Variants in FZD10 observed in about 807,000 individuals in gnomAD.
FZD10 encodes the protein frizzled class receptor 10.
A neutral mutation model predicts 24.4 loss-of-function variants in FZD10; 14 were observed. That is an observed-to-expected ratio of 0.57 (90% CI 0.38 to 0.90). FZD10 has a LOEUF of 0.90. Ranked by LOEUF, FZD10 falls within the 40% of genes least tolerant of loss-of-function variation. FZD10 has a pLI of 0.00. For synonymous variants in FZD10, 381 were observed against 349.1 expected, an observed-to-expected ratio of 1.09 and a Z score of -1.02; for missense variants, 775 against 816.6, an observed-to-expected ratio of 0.95 and a Z score of 0.62.
rs1406763732 is a variant in FZD10, at chr12:130,163,036, G to T, written c.94G>T (p.Gly32Cys). 3 of 1,612,118 alleles carry T rather than the reference G, an allele frequency of 1.9e-6. No individual in the cohort carries two copies. The highest frequency in any genetic ancestry group is 2.7e-5 in the African/African-American group (2 of 75,032). Residue 32 changes from glycine to cysteine, a missense_variant, in exon 1 of 1, where the codon GGC (glycine) becomes TGC (cysteine). By Grantham distance (159) the Gly-to-Cys change is radical. Coordinates refer to ENST00000229030, the MANE Select transcript of FZD10 (RefSeq NM_007197.4). ...SSMDMERPGD[G>C]KCQPIEIPMC... ...CATGGACATGGAGCGCCCGGGCGAC[G>T]GCAAATGCCAGCCCATCGAGATCCC...
rs774320509 is a variant in FZD10 at position 130,164,200 on chromosome 12, C to A, written c.1258C>A (p.Leu420Met). The A allele has an allele frequency of 5.6e-6, 9 of 1,614,154 alleles. No individual in the cohort carries two copies. Among genetic ancestry groups the A allele is most frequent in the Non-Finnish European group, 7.6e-6 (9 of 1,180,036 alleles). Residue 420 changes from leucine (L) to methionine (M), a missense_variant, in exon 1 of 1, where the codon CTG becomes ATG. Transcript: ENST00000229030. The surrounding 1 kb of genome is among the most constrained non-coding windows in gnomAD (Gnocchi z 5.3). ...TSFILSGFVA[L>M]FHIRRVMKTG... Reference sequence around the variant, plus strand: ...CTTCATCCTCTCGGGCTTCGTGGCCCTGTTCCACATCCGGAGGGTGATGAA... The same window carrying A: ...CTTCATCCTCTCGGGCTTCGTGGCCATGTTCCACATCCGGAGGGTGATGAA...
Position 130,165,559 on chromosome 12 carries a change from TAAAC to T in FZD10, c.*875_*878del, listed in dbSNP as rs1593020372. On this transcript the variant is annotated 3_prime_UTR_variant, in exon 1 of 1. Coordinates refer to ENST00000229030, the MANE Select transcript of FZD10 (RefSeq NM_007197.4). ...AGGGCTTATTGACTCTTTCTATTGT[TAAAC>T]AAATGATTTCCACAAACAGATCAGG... 6.0e-6 allele frequency: 1 copy of T among 167,160 alleles called. No homozygotes were observed. The allele number at this position is 167,160 out of a possible 1,614,324, so 10.4% of individuals were successfully genotyped here. A position where few individuals can be genotyped will look rare whatever the true frequency, so the allele number is the denominator to read the frequency against.
rs1871757507 is a variant in FZD10, at chr12:130,164,167, G to A, written c.1225G>A (p.Gly409Ser). 1.9e-6 allele frequency: 3 copies of A among 1,613,914 alleles called. No homozygotes were observed. Among genetic ancestry groups the A allele is most frequent in the South Asian group, 1.1e-5 (1 of 91,082 alleles). The change falls in exon 1 of 1, where the codon GGC (glycine) becomes AGC (serine). Residue 409 changes from glycine to serine, a missense_variant. Transcript: ENST00000229030. The surrounding 1 kb of genome is among the most constrained non-coding windows in gnomAD (Gnocchi z 5.3). The stretch of plus-strand genomic sequence containing the variant: ...TCCCCTGGCCTGCTACCTGGTCATC[G>A]GCACGTCCTTCATCCTCTCGGGCTT... ...LIPLACYLVI[G>S]TSFILSGFVA...
rs772852953 is a variant in FZD10 at position 130,163,945 on chromosome 12, T to A, written c.1003T>A (p.Phe335Ile). The change falls in exon 1 of 1, where the codon TTC becomes ATC. Residue 335 changes from phenylalanine to isoleucine, a missense_variant. By Grantham distance (21) the Phe-to-Ile change is conservative. Coordinates refer to ENST00000229030, the MANE Select transcript of FZD10 (RefSeq NM_007197.4). Reference protein sequence around the residue: ...LWWVVLTLTWFLAAGKKWGHE... With the variant: ...LWWVVLTLTWILAAGKKWGHE... ...GTGGGTGGTCCTCACGCTCACCTGG[T>A]TCCTGGCCGCCGGCAAGAAGTGGGG... The A allele has an allele frequency of 2.5e-5, 41 of 1,613,630 alleles. No homozygotes were observed. The highest frequency in any genetic ancestry group is 3.5e-5 in the Non-Finnish European group (41 of 1,180,040).
Position 130,164,394 on chromosome 12 carries a change from C to T in FZD10, c.1452C>T (p.Asn484=), listed in dbSNP as rs750330173. Residue 484 remains asparagine, a synonymous_variant, in exon 1 of 1, where the codon AAC becomes AAT. Coordinates refer to ENST00000229030, the MANE Select transcript of FZD10 (RefSeq NM_007197.4). This position sits in a 1 kb window ranked among gnomAD's most constrained non-coding sequence, Gnocchi z 5.3. ...ILAAQHKCKM[N]NQTKTLDCLM... ...CGGCGCAGCACAAGTGCAAAATGAA[C>T]AACCAGACTAAAACGCTGGACTGCC... 3.1e-6 allele frequency: 5 copies of T among 1,614,060 alleles called. No homozygotes were observed. Among genetic ancestry groups the T allele is most frequent in the Non-Finnish European group, 4.2e-6 (5 of 1,180,030 alleles).
Position 130,162,536 on chromosome 12 carries a change from G to C in FZD10, c.-407G>C, listed in dbSNP as rs1250393294. 2 of 153,254 alleles carry C rather than the reference G, an allele frequency of 1.3e-5. No homozygotes were observed. Among genetic ancestry groups the C allele is most frequent in the African/African-American group, 4.8e-5 (2 of 41,416 alleles). The allele number at this position is 153,254 out of a possible 1,614,324, so 9.5% of individuals were successfully genotyped here. On this transcript the variant is annotated 5_prime_UTR_variant, in exon 1 of 1. Transcript: ENST00000229030. ...GGCCGAGGCCGGCGCAGGGAGGGAG[G>C]AGCCGCCCGGGCTGTGGGGGCGCCG... is the stretch of plus-strand genomic sequence containing the variant.
Position 130,165,542 on chromosome 12 carries a change from T to C in FZD10, c.*854T>C, listed in dbSNP as rs936599036. ...ATTCAAAAGTTACCCAAAGGGCTTATTGACTCTTTCTATTGTTAAACAAAT... is the reference window on the plus strand; with the variant it reads ...ATTCAAAAGTTACCCAAAGGGCTTACTGACTCTTTCTATTGTTAAACAAAT... On this transcript the variant is annotated 3_prime_UTR_variant, in exon 1 of 1. Coordinates refer to ENST00000229030, the MANE Select transcript of FZD10 (RefSeq NM_007197.4). 1 of 167,028 alleles carries C rather than the reference T, an allele frequency of 6.0e-6. No individual in the cohort carries two copies. Among genetic ancestry groups the C allele is most frequent in the African/African-American group, 2.4e-5 (1 of 41,452 alleles). 10.3% of individuals were successfully genotyped at this position (167,028 alleles called of 1,614,324 possible).
At position 130,163,458 on chromosome 12, in the gene FZD10, G is replaced by GTTC. The variant is rs1871719774; in HGVS notation, c.516_517insTTC (p.Gln172_Arg173insPhe). The GTTC allele has an allele frequency of 6.2e-7, 1 of 1,610,456 alleles. No homozygotes were observed. The highest frequency in any genetic ancestry group is 1.3e-5 in the African/African-American group (1 of 74,814). On this transcript the variant is annotated inframe_insertion, in exon 1 of 1. Transcript: ENST00000229030. The stretch of plus-strand genomic sequence containing the variant: ...TGTTCCCGCCGCTGTTCCGGCCGCA[G>GTTC]CGGCCCCACAGCGCGCAGGAGCACC...
At position 130,164,606 on chromosome 12, in the gene FZD10, G is replaced by A; in HGVS notation, c.1664G>A (p.Gly555Glu). 6.2e-7 allele frequency: 1 copy of A among 1,612,718 alleles called. No individual in the cohort carries two copies. Among genetic ancestry groups the A allele is most frequent in the Admixed American group, 1.7e-5 (1 of 59,988 alleles). Residue 555 changes from glycine (G) to glutamate (E), a missense_variant, in exon 1 of 1, where the codon GGG becomes GAG. Physicochemically the swap from Gly to Glu is moderately conservative, Grantham distance 98. Coordinates refer to ENST00000229030, the MANE Select transcript of FZD10 (RefSeq NM_007197.4). This position sits in a 1 kb window ranked among gnomAD's most constrained non-coding sequence, Gnocchi z 5.3. ...RKPASVITSGGIYKKAQHPQK... is the reference protein window; with the variant it reads ...RKPASVITSGEIYKKAQHPQK... ...CCGGCCAGCGTGATCACCAGCGGTGGGATTTACAAAAAAGCCCAGCATCCC... is the reference window on the plus strand; with the variant it reads ...CCGGCCAGCGTGATCACCAGCGGTGAGATTTACAAAAAAGCCCAGCATCCC...
Position 130,163,544 on chromosome 12 carries a change from T to C in FZD10, c.602T>C (p.Val201Ala), listed in dbSNP as rs765929480. 6.3e-7 allele frequency: 1 copy of C among 1,597,604 alleles called. No individual in the cohort carries two copies. Among genetic ancestry groups the C allele is most frequent in the South Asian group, 1.1e-5 (1 of 88,960 alleles). The change falls in exon 1 of 1, where the codon GTG becomes GCG. Residue 201 changes from valine to alanine, a missense_variant. By Grantham distance (64) the Val-to-Ala change is moderately conservative. Transcript: ENST00000229030. ...GCDNPGKFHHVEKSASCAPLC... is the reference protein window; with the variant it reads ...GCDNPGKFHHAEKSASCAPLC... ...GACAACCCGGGCAAGTTCCACCACG[T>C]GGAGAAGAGCGCGTCGTGCGCGCCG...
chr12:130,163,477 G>C lies in FZD10; in HGVS notation c.535G>C (p.Glu179Gln). ...FRPQRPHSAQ[E>Q]HPLKDGGPGR... ...GCCGCAGCGGCCCCACAGCGCGCAGGAGCACCCGCTGAAGGACGGGGGCCC... is the reference window on the plus strand; with the variant it reads ...GCCGCAGCGGCCCCACAGCGCGCAGCAGCACCCGCTGAAGGACGGGGGCCC... Residue 179 changes from glutamate (E) to glutamine (Q), a missense_variant, in exon 1 of 1, where the codon GAG becomes CAG. Physicochemically the swap from Glu to Gln is conservative, Grantham distance 29. Transcript: ENST00000229030. The C allele has an allele frequency of 1.2e-6, 2 of 1,605,210 alleles. No individual in the cohort carries two copies. The highest frequency in any genetic ancestry group is 1.7e-6 in the Non-Finnish European group (2 of 1,175,792).
chr12:130,164,373 G>A lies in FZD10; in HGVS notation c.1431G>A (p.Ala477=), dbSNP rs763698410. The A allele has an allele frequency of 1.5e-5, 24 of 1,614,062 alleles. No homozygotes were observed. The South Asian group carries it at 2.3e-4, about 16-fold the overall frequency. The stretch of plus-strand genomic sequence containing the variant: ...TGGATTACTGGAAGATCCTGGCGGC[G>A]CAGCACAAGTGCAAAATGAACAACC... ...LNMDYWKILA[A]QHKCKMNNQT... Residue 477 remains alanine (A), a synonymous_variant, in exon 1 of 1, where the codon GCG becomes GCA. Coordinates refer to ENST00000229030, the MANE Select transcript of FZD10 (RefSeq NM_007197.4). This position sits in a 1 kb window ranked among gnomAD's most constrained non-coding sequence, Gnocchi z 5.3.
In FZD10 at chr12:130,165,368, A is replaced by G. The variant is rs1245736052; in HGVS notation, c.*680A>G. On this transcript the variant is annotated 3_prime_UTR_variant, in exon 1 of 1. Coordinates refer to ENST00000229030, the MANE Select transcript of FZD10 (RefSeq NM_007197.4). Reference sequence around the variant, plus strand: ...GTATTTTGCTATATATAAAGACAACAAAAGAAATCTCCTAACAAAAGAACT... The same window carrying G: ...GTATTTTGCTATATATAAAGACAACGAAAGAAATCTCCTAACAAAAGAACT... 2 of 166,996 alleles carry G rather than the reference A, an allele frequency of 1.2e-5. No individual in the cohort carries two copies. Among genetic ancestry groups the G allele is most frequent in the African/African-American group, 4.8e-5 (2 of 41,464 alleles). 10.3% of individuals were successfully genotyped at this position (166,996 alleles called of 1,614,324 possible). A position where few individuals can be genotyped will look rare whatever the true frequency, so the allele number is the denominator to read the frequency against.
rs1025293933 is a variant in FZD10, at chr12:130,163,807, G to T, written c.865G>T (p.Ala289Ser). The T allele has an allele frequency of 1.2e-6, 2 of 1,613,918 alleles. No homozygotes were observed. Among genetic ancestry groups the T allele is most frequent in the Admixed American group, 3.3e-5 (2 of 60,038 alleles). ...CCTCTTCGCCGGCGCCGAGAGCATC[G>T]CCTGCGACCGGGACAGCGGCCAGCT... ...IRLFAGAESIACDRDSGQLYV... is the reference protein window; with the variant it reads ...IRLFAGAESISCDRDSGQLYV... The change falls in exon 1 of 1, where the codon GCC (alanine) becomes TCC (serine). Residue 289 changes from alanine (A) to serine (S), a missense_variant. Coordinates refer to ENST00000229030, the MANE Select transcript of FZD10 (RefSeq NM_007197.4).
chr12:130,163,182 C>A lies in FZD10; in HGVS notation c.240C>A (p.His80Gln). ...EFAPLVEYGC[H>Q]GHLRFFLCSL... is the part of the protein sequence containing the mutation. ...CGCCGCTGGTGGAGTACGGCTGCCA[C>A]GGCCACCTCCGCTTCTTCCTGTGCT... The change falls in exon 1 of 1, where the codon CAC becomes CAA. Residue 80 changes from histidine (H) to glutamine (Q), a missense_variant. By Grantham distance (24) the His-to-Gln change is conservative. Transcript: ENST00000229030. 1 of 1,612,924 alleles carries A rather than the reference C, an allele frequency of 6.2e-7. No individual in the cohort carries two copies. The highest frequency in any genetic ancestry group is 8.5e-7 in the Non-Finnish European group (1 of 1,179,946).
In FZD10 at chr12:130,163,442, C is replaced by T. The variant is rs748345546; in HGVS notation, c.500C>T (p.Pro167Leu). Residue 167 changes from proline to leucine, a missense_variant, in exon 1 of 1, where the codon CCG becomes CTG. Physicochemically the swap from Pro to Leu is moderately conservative, Grantham distance 98. Coordinates refer to ENST00000229030, the MANE Select transcript of FZD10 (RefSeq NM_007197.4). ...ACCCGGGGCTCGGGCCTGTTCCCGCCGCTGTTCCGGCCGCAGCGGCCCCAC... is the reference window on the plus strand; with the variant it reads ...ACCCGGGGCTCGGGCCTGTTCCCGCTGCTGTTCCGGCCGCAGCGGCCCCAC... ...EPTRGSGLFP[P>L]LFRPQRPHSA... The T allele has an allele frequency of 1.1e-5, 18 of 1,611,580 alleles. No individual in the cohort carries two copies. The highest frequency in any genetic ancestry group is 6.7e-5 in the Admixed American group (4 of 59,930).
chr12:130,164,149 G>A lies in FZD10; in HGVS notation c.1207G>A (p.Ala403Thr), dbSNP rs1566096589. The change falls in exon 1 of 1, where the codon GCC (alanine) becomes ACC (threonine). Residue 403 changes from alanine (A) to threonine (T), a missense_variant. Coordinates refer to ENST00000229030, the MANE Select transcript of FZD10 (RefSeq NM_007197.4). This position sits in a 1 kb window ranked among gnomAD's most constrained non-coding sequence, Gnocchi z 5.3. The part of the protein sequence containing the change: ...ALTGFVLIPL[A>T]CYLVIGTSFI... ...CACCGGCTTCGTGCTCATTCCCCTGGCCTGCTACCTGGTCATCGGCACGTC... is the reference window on the plus strand; with the variant it reads ...CACCGGCTTCGTGCTCATTCCCCTGACCTGCTACCTGGTCATCGGCACGTC... The A allele has an allele frequency of 1.2e-6, 2 of 1,613,986 alleles. No homozygotes were observed. Among genetic ancestry groups the A allele is most frequent in the Non-Finnish European group, 1.7e-6 (2 of 1,180,030 alleles).
In FZD10 at chr12:130,163,650, G is replaced by A; in HGVS notation, c.708G>A (p.Val236=). The change falls in exon 1 of 1, where the codon GTG becomes GTA. Residue 236 remains valine (V), a synonymous_variant. Coordinates refer to ENST00000229030, the MANE Select transcript of FZD10 (RefSeq NM_007197.4). ...FAVVWLAIWA[V]LCFFSSAFTV... is the part of the protein sequence containing the mutation. Reference sequence around the variant, plus strand: ...TGGTCTGGCTGGCCATCTGGGCGGTGCTGTGCTTCTTCTCCAGCGCCTTCA... The same window carrying A: ...TGGTCTGGCTGGCCATCTGGGCGGTACTGTGCTTCTTCTCCAGCGCCTTCA... The A allele has an allele frequency of 6.2e-7, 1 of 1,613,214 alleles. No individual in the cohort carries two copies. The highest frequency in any genetic ancestry group is 8.5e-7 in the Non-Finnish European group (1 of 1,180,032).
At position 130,164,043 on chromosome 12, in the gene FZD10, C is replaced by G. The variant is rs747697960; in HGVS notation, c.1101C>G (p.Ile367Met). ...GGGCCATCCCGGCGGTGAAGACCATCCTGATCCTGGTCATGCGCAGGGTGG... is the reference window on the plus strand; with the variant it reads ...GGGCCATCCCGGCGGTGAAGACCATGCTGATCCTGGTCATGCGCAGGGTGG... ...AAWAIPAVKT[I>M]LILVMRRVAG... Residue 367 changes from isoleucine (I) to methionine (M), a missense_variant, in exon 1 of 1, where the codon ATC becomes ATG. Ile to Met is a conservative substitution (Grantham distance 10). Coordinates refer to ENST00000229030, the MANE Select transcript of FZD10 (RefSeq NM_007197.4). The surrounding 1 kb of genome is among the most constrained non-coding windows in gnomAD (Gnocchi z 5.3). The G allele has an allele frequency of 1.9e-6, 3 of 1,613,812 alleles. No homozygotes were observed. The East Asian group carries it at 6.7e-5, about 36-fold the overall frequency.
Sources: gnomAD v4.1 joint callset for allele counts on GRCh38, gnomAD v4.1.1 for gene constraint, Gnocchi (gnomAD v3.1) non-coding constraint, MANE v1.5 for transcripts, NCBI Gene and HGNC (gene_info 2026-07-23, HGNC 2026-07-21) for gene names.